MYO18B: variants seen among roughly 807,000 people sequenced by gnomAD.
MYO18B encodes myosin XVIIIB.
MYO18B carries 204 observed loss-of-function variants against 273.0 expected under a neutral mutation model. The observed-to-expected ratio is 0.75, with a 90% CI of 0.67 to 0.84. The LOEUF (loss-of-function observed/expected upper bound fraction) is 0.84, where lower values mean the gene tolerates loss of function less well. MYO18B is among the 40% of genes least tolerant of loss of function. The pLI, the probability that MYO18B is intolerant of heterozygous loss-of-function variation, is 0.00. For synonymous variants in MYO18B, 1,330 were observed against 1,305.7 expected, an observed-to-expected ratio of 1.02 and a Z score of -0.40; for missense variants, 3,212 against 3,287.6, an observed-to-expected ratio of 0.98 and a Z score of 0.56.
chr22:25,762,567 G>A (rs750761714), intron 2 of MYO18B, among the ~76,000 whole-genome samples: 22 of 152,254 alleles, frequency 1.4e-4, no homozygotes, highest in African/African-American at 2.9e-4. Context: ...GGCCTAGGCC[G>A]TATTTCTGGG....
chr22:25,990,711 A>AAAAG, intron 39 of MYO18B, among the ~76,000 whole-genome samples: 1 of 42,064 alleles, frequency 2.4e-5, no homozygotes, highest in Admixed American at 1.7e-4. Context: ...AAAAAAAAAA[A>AAAAG]AAAAAAAAAG....
intron 21 of MYO18B, among the ~76,000 whole-genome samples, chr22:25,866,902 G>A (rs771496835): frequency 1.3e-5 from 2 of 150,952 alleles, no homozygotes; most frequent in African/African-American, 2.4e-5. Context: ...CATTTATTTA[G>A]CAAATATTTG....
intron 42 of MYO18B, among the ~76,000 whole-genome samples, chr22:26,025,015 T>C (rs746605074): frequency 1.3e-5 from 2 of 152,164 alleles, no homozygotes; most frequent in Non-Finnish European, 2.9e-5. Flanking sequence ...GGGGCCTCTT[T>C]TATAAGGGCA....
chr22:25,848,496 G>A (rs1024236458), intron 20 of MYO18B, among the ~76,000 whole-genome samples: 1 of 152,230 alleles, frequency 6.6e-6, no homozygotes, highest in Non-Finnish European at 1.5e-5. Context: ...TGAGTGAGGA[G>A]TTGTGGGAGA....
intron 43 of MYO18B, among the ~76,000 whole-genome samples, chr22:26,028,887 CAAAA>C (rs554144546): frequency 1.3e-5 from 1 of 75,652 alleles, no homozygotes; most frequent in Non-Finnish European, 2.9e-5. Context: ...GACTCCGTCT[CAAAA>C]AAAAAAAAAA....
rs1601623959 is a variant in MYO18B, at chr22:25,938,187, C to T, written c.5518-7950C>T. On this transcript the variant is annotated intron_variant, in intron 34 of 43. Coordinates refer to ENST00000335473, the MANE Select transcript of MYO18B (RefSeq NM_032608.7). Reference sequence around the variant, plus strand: ...GCCCAAAGACTGGAATTTTTCCTCTCCACACCTCATTCCATATGTCTAGTC... The same window carrying T: ...GCCCAAAGACTGGAATTTTTCCTCTTCACACCTCATTCCATATGTCTAGTC... Among the ~76,000 whole-genome samples, 3 of 152,196 alleles carry T rather than the reference C, an allele frequency of 2.0e-5. No individual in the cohort carries two copies. In the South Asian group the frequency reaches 6.2e-4, roughly 32 times the overall value.
intron 40 of MYO18B, among the ~76,000 whole-genome samples, chr22:25,999,617 CTT>C: frequency 7.4e-6 from 1 of 135,038 alleles, no homozygotes; most frequent in Non-Finnish European, 1.6e-5. Context: ...TTCTCCTTCT[CTT>C]CCTCCTCCTC....
At chr22:25,785,971 G>A (rs896638587) in intron 11 of MYO18B, among the ~76,000 whole-genome samples, 5 of 152,148 alleles carry the variant, frequency 3.3e-5, no homozygotes, top group East Asian at 1.9e-4. Flanking sequence ...ACTTGGGTAG[G>A]GGCACTCAGC....
intron 14 of MYO18B, 102 bp from the exon 15 acceptor site, chr22:25,828,674 A>T: frequency 8.9e-7 from 1 of 1,117,714 alleles, no homozygotes. Context: ...AGCCTGTAAG[A>T]GGTGAGCTTG....
chr22:25,846,082 T>G lies in MYO18B; in HGVS notation c.3369-18T>G. ...GAACCTCCTAAAGCTCCTCTCTCTT[T>G]TCCCTCCTCCCCACCAGAGAGGAGC... is the stretch of plus-strand genomic sequence containing the variant. On this transcript the variant is annotated intron_variant, in intron 18 of 43. Coordinates refer to ENST00000335473, the MANE Select transcript of MYO18B (RefSeq NM_032608.7). 6.6e-7 allele frequency: 1 copy of G among 1,505,288 alleles called. No individual in the cohort carries two copies. Among genetic ancestry groups the G allele is most frequent in the South Asian group, 1.3e-5 (1 of 76,754 alleles). 93.2% of individuals were successfully genotyped at this position (1,505,288 alleles called of 1,614,324 possible). A position where few individuals can be genotyped will look rare whatever the true frequency, so the allele number is the denominator to read the frequency against.
At chr22:25,818,440 T>C (rs963949318) in intron 12 of MYO18B, among the ~76,000 whole-genome samples, 113 of 152,334 alleles carry the variant, frequency 7.4e-4, no homozygotes, top group African/African-American at 2.5e-3. Flanking sequence ...GCACAAGAAT[T>C]TTGACTTTAC....
chr22:25,964,973 A>T (rs2092961348), intron 39 of MYO18B: 1 of 152,262 alleles, frequency 6.6e-6, no homozygotes, highest in Admixed American at 6.5e-5. Flanking sequence ...CCTGAGACCC[A>T]GAGGCGACTT....
intron 1 of MYO18B, among the ~76,000 whole-genome samples, chr22:25,756,886 C>T (rs2146567080): frequency 6.6e-6 from 1 of 152,080 alleles, no homozygotes; most frequent in Admixed American, 6.5e-5. Flanking sequence ...TATGGCAAAA[C>T]CCCGTCTCTA....
chr22:25,948,443 C>T (rs201681327), intron 36 of MYO18B, among the ~76,000 whole-genome samples: 13,651 of 114,096 alleles, frequency 0.12, 768 homozygotes, highest in East Asian at 0.17. Context: ...TCCTTCCTTC[C>T]TTCCTTCCTT....
intron 39 of MYO18B, among the ~76,000 whole-genome samples, chr22:25,975,434 T>A (rs929015428): frequency 6.6e-6 from 1 of 152,212 alleles, no homozygotes; most frequent in African/African-American, 2.4e-5. Flanking sequence ...GAGGGCAGCC[T>A]GGGGATTAAC....
chr22:25,969,310 A>G lies in MYO18B; in HGVS notation c.6156+13946A>G, dbSNP rs759789284. ...TTCTTCTTTTAAGTAGCCAAATCTT[A>G]TTTTAAATCCATAGCTGATACAGAT... On this transcript the variant is annotated intron_variant, in intron 39 of 43. Transcript: ENST00000335473. Among the ~76,000 whole-genome samples the G allele has an allele frequency of 4.6e-5, 7 of 152,302 alleles. No individual in the cohort carries two copies. In the East Asian group the frequency reaches 5.8e-4, roughly 13 times the overall value.
intron 42 of MYO18B, among the ~76,000 whole-genome samples, chr22:26,009,455 T>G (rs1390754918): frequency 6.6e-6 from 1 of 152,204 alleles, no homozygotes; most frequent in East Asian, 1.9e-4. Context: ...CTGTTTTTCC[T>G]TCCTTTTGAT....
chr22:25,829,177 G>A lies in MYO18B; in HGVS notation c.2979+209G>A, dbSNP rs7284564. On this transcript the variant is annotated intron_variant, in intron 15 of 43. Transcript: ENST00000335473. ...CTCCCCCTGCCACCTTCTGAACCCCGCAGCCCAGAAGCACCAAGGAACTCG... is the reference window on the plus strand; with the variant it reads ...CTCCCCCTGCCACCTTCTGAACCCCACAGCCCAGAAGCACCAAGGAACTCG... 0.29 allele frequency among the ~76,000 whole-genome samples: 43,797 copies of A among 152,092 alleles called. 7,749 individuals carry two copies. The highest frequency in any genetic ancestry group is 0.38 in the Non-Finnish European group (26,164 of 67,972).
At chr22:25,766,517 C>T (rs1173273516) in intron 3 of MYO18B, among the ~76,000 whole-genome samples, 1 of 152,132 alleles carries the variant, frequency 6.6e-6, no homozygotes, top group Non-Finnish European at 1.5e-5. Context: ...GAACTTTGTG[C>T]AAGCTTGGAA....
Sources: gnomAD v4.1 joint callset for allele counts (sites outside exome capture counted in the v4.1 genomes callset) on GRCh38, gnomAD v4.1.1 for gene constraint, MANE v1.5 for transcripts, NCBI Gene and HGNC (gene_info 2026-07-23, HGNC 2026-07-21) for gene names.